SLC35D4: variants seen among roughly 807,000 people sequenced by gnomAD.
SLC35D4 encodes the protein solute carrier family 35 member D4.
the SLC35D4 span, among the ~76,000 whole-genome samples, chr18:23,371,935 G>GTTTTTTTTTTTTTTTTTTTTTT: frequency 2.8e-4 from 10 of 35,472 alleles, 3 homozygotes; most frequent in African/African-American, 5.9e-4. Context: ...TGTTTTTTTT[G>GTTTTTTTTTTTTTTTTTTTTTT]TTTTTTTTTT....
chr18:23,431,604 T>C, the SLC35D4 span, among the ~76,000 whole-genome samples: 1 of 152,232 alleles, frequency 6.6e-6, no homozygotes, highest in African/African-American at 2.4e-5. Context: ...GGATTTTGTA[T>C]GTTGTTTGCA....
chr18:23,249,311 A>G, the SLC35D4 span, among the ~76,000 whole-genome samples: 4 of 152,340 alleles, frequency 2.6e-5, no homozygotes, highest in East Asian at 7.7e-4. Context: ...TGTTCAGATA[A>G]TAGAGTAGAA....
the SLC35D4 span, chr18:23,437,830 A>C: frequency 6.2e-7 from 1 of 1,613,142 alleles, no homozygotes; most frequent in Non-Finnish European, 8.5e-7. Flanking sequence ...GGTGAGGCCG[A>C]CCAGAGACCT....
chr18:23,309,905 C>T, the SLC35D4 span, among the ~76,000 whole-genome samples: 1 of 152,218 alleles, frequency 6.6e-6, no homozygotes, highest in Admixed American at 6.5e-5. Flanking sequence ...TCCTAGTCAG[C>T]CCCCTGTACT....
chr18:23,329,928 A>G, the SLC35D4 span, among the ~76,000 whole-genome samples: 1 of 152,216 alleles, frequency 6.6e-6, no homozygotes, highest in Non-Finnish European at 1.5e-5. Flanking sequence ...GCTGGAAACC[A>G]TCAATCTGAG....
the SLC35D4 span, among the ~76,000 whole-genome samples, chr18:23,435,771 C>T: frequency 6.6e-6 from 1 of 152,258 alleles, no homozygotes; most frequent in Non-Finnish European, 1.5e-5. Flanking sequence ...TCTCCACTCA[C>T]TGCAACCTCC....
At chr18:23,399,513 G>A in the SLC35D4 span, 3 of 1,548,722 alleles carry the variant, frequency 1.9e-6, no homozygotes, top group Non-Finnish European at 1.8e-6. Flanking sequence ...TAAGTTAAAA[G>A]GCAAAGGGGA....
chr18:23,251,452 A>G, the SLC35D4 span, among the ~76,000 whole-genome samples: 3 of 152,110 alleles, frequency 2.0e-5, no homozygotes, highest in African/African-American at 7.2e-5. Flanking sequence ...CTCCGTCTCA[A>G]AAAAAATAAA....
At chr18:23,319,303 C>A in the SLC35D4 span, among the ~76,000 whole-genome samples, 1 of 151,480 alleles carries the variant, frequency 6.6e-6, no homozygotes, top group Non-Finnish European at 1.5e-5. Flanking sequence ...TGGAGTCTCG[C>A]TCTGTTGCCC....
chr18:23,341,117 G>T, the SLC35D4 span, among the ~76,000 whole-genome samples: 2 of 152,172 alleles, frequency 1.3e-5, no homozygotes, highest in African/African-American at 4.8e-5. Flanking sequence ...TATGTGAGAG[G>T]GGATCCTGAG....
the SLC35D4 span, among the ~76,000 whole-genome samples, chr18:23,405,432 C>T: frequency 6.6e-6 from 1 of 152,188 alleles, no homozygotes; most frequent in Non-Finnish European, 1.5e-5. Flanking sequence ...TCAAGTGATC[C>T]ACCTGCCTTG....
chr18:23,278,603 T>C, the SLC35D4 span, among the ~76,000 whole-genome samples: 7 of 152,290 alleles, frequency 4.6e-5, no homozygotes, highest in African/African-American at 1.7e-4. Context: ...ATCAAACTAA[T>C]AATGGCTGTC....
chr18:23,303,354 G>A, the SLC35D4 span, among the ~76,000 whole-genome samples: 31 of 152,288 alleles, frequency 2.0e-4, no homozygotes, highest in African/African-American at 7.2e-4. Flanking sequence ...TCCTTAATTT[G>A]CGAACACACA....
the SLC35D4 span, among the ~76,000 whole-genome samples, chr18:23,238,762 C>A: frequency 1.1e-4 from 17 of 152,334 alleles, no homozygotes; most frequent in African/African-American, 4.1e-4. Context: ...CCAAGTGAGG[C>A]TTTCCTAGTT....
chr18:23,362,078 T>G, the SLC35D4 span, among the ~76,000 whole-genome samples: 3 of 152,232 alleles, frequency 2.0e-5, no homozygotes, highest in Admixed American at 6.5e-5. Context: ...CCACTTTGTA[T>G]TCCCAGGGAG....
At chr18:23,435,155 C>G in the SLC35D4 span, among the ~76,000 whole-genome samples, 1 of 150,006 alleles carries the variant, frequency 6.7e-6, no homozygotes, top group Non-Finnish European at 1.5e-5. Context: ...GAGCCTGTGT[C>G]TCAGAAAAAA....
chr18:23,262,843 G>T, the SLC35D4 span, among the ~76,000 whole-genome samples: 1 of 152,248 alleles, frequency 6.6e-6, no homozygotes, highest in Non-Finnish European at 1.5e-5. Flanking sequence ...GAACTGACAA[G>T]TTAGATGCTT....
chr18:23,374,752 T>C, the SLC35D4 span, among the ~76,000 whole-genome samples: 7 of 152,142 alleles, frequency 4.6e-5, no homozygotes, highest in Non-Finnish European at 8.8e-5. Flanking sequence ...CCCAAAGTGC[T>C]GGGGTTACAG....
At chr18:23,264,746 C>A in the SLC35D4 span, among the ~76,000 whole-genome samples, 1 of 151,764 alleles carries the variant, frequency 6.6e-6, no homozygotes, top group African/African-American at 2.4e-5. Context: ...CAGGCTCAAT[C>A]GACTCTCCCA....
Sources: gnomAD v4.1 joint callset for allele counts (sites outside exome capture counted in the v4.1 genomes callset) on GRCh38, gnomAD v4.1.1 for gene constraint, MANE v1.5 for transcripts, NCBI Gene and HGNC (gene_info 2026-07-23, HGNC 2026-07-21) for gene names.